The following TRMT1L variants were observed in gnomAD, a reference collection of about 807,000 sequenced individuals.
TRMT1L encodes the protein tRNA (guanine(27)-N(2))-dimethyltransferase.
Under a neutral mutation model 81.6 loss-of-function variants are expected in TRMT1L, and 28 were observed. The observed-to-expected ratio is 0.34, with a 90% confidence interval of 0.25 to 0.47. The LOEUF (loss-of-function observed/expected upper bound fraction) is 0.47. Ranked by LOEUF, TRMT1L falls within the 20% of genes least tolerant of loss-of-function variation. The pLI is 1.00. For synonymous variants in TRMT1L, 301 were observed against 303.2 expected (o/e 0.99, Z 0.07); for missense variants, 739 against 877.1 (o/e 0.84, Z 1.99).
chr1:185,121,359 G>A (rs148828423), intron 13 of TRMT1L, among the ~76,000 whole-genome samples: 41 of 152,170 alleles, frequency 2.7e-4, no homozygotes, highest in Admixed American at 4.6e-4. Flanking sequence ...CCAAGTCCCA[G>A]CTACTTGGGA....
chr1:185,145,588 AT>A lies in TRMT1L; in HGVS notation c.526-21del. Reference sequence around the variant, plus strand: ...GGTTATCTATCAAACAGAGTATTTAATTTAAATAAGTTGCTAAGACAATGAA... The same window carrying A: ...GGTTATCTATCAAACAGAGTATTTAATTAAATAAGTTGCTAAGACAATGAA... On this transcript the variant is annotated intron_variant, in intron 4 of 14. Transcript: ENST00000367506. 1 of 1,606,222 alleles carries A rather than the reference AT, an allele frequency of 6.2e-7. No homozygotes were observed. The highest frequency in any genetic ancestry group is 1.3e-5 in the African/African-American group (1 of 74,844).
intron 2 of TRMT1L, 92 bp downstream of exon 2, chr1:185,151,733 C>T: frequency 1.2e-6 from 1 of 805,962 alleles, no homozygotes; most frequent in Non-Finnish European, 1.9e-6. Context: ...TAAGAATAAA[C>T]AAGTCTACTC....
At position 185,147,224 on chromosome 1, in the gene TRMT1L, G is replaced by A. The variant is rs1234366672; in HGVS notation, c.483C>T (p.His161=). 1 of 1,610,210 alleles carries A rather than the reference G, an allele frequency of 6.2e-7. No individual in the cohort carries two copies. Among genetic ancestry groups the A allele is most frequent in the Admixed American group, 1.7e-5 (1 of 59,860 alleles). The change falls in exon 4 of 15, where the codon CAC becomes CAT. Residue 161 remains histidine (H), a synonymous_variant. Transcript: ENST00000367506. ...TTGGTTTCACTGGTCGACAAGGTAA[G>A]TGACAGATGCACATCCTGTAACCTA... ...EFEGYRMCIC[H]LPCRPVKPNI...
intron 10 of TRMT1L, among the ~76,000 whole-genome samples, chr1:185,135,208 G>A (rs1193906811): frequency 6.6e-6 from 1 of 152,016 alleles, no homozygotes; most frequent in Non-Finnish European, 1.5e-5. Context: ...CTGAGCTCAG[G>A]AGTTCGTGAC....
At chr1:185,131,779 A>G (rs1652777185) in intron 10 of TRMT1L, among the ~76,000 whole-genome samples, 1 of 152,224 alleles carries the variant, frequency 6.6e-6, no homozygotes, top group African/African-American at 2.4e-5. Context: ...GACCCAAAAT[A>G]TAACTAAACA....
At chr1:185,137,258 C>T (rs943701488) in intron 10 of TRMT1L, among the ~76,000 whole-genome samples, 18 of 152,088 alleles carry the variant, frequency 1.2e-4, no homozygotes, top group Non-Finnish European at 4.4e-5. Context: ...TATACACAGC[C>T]AGAAACATGA....
At chr1:185,151,445 C>A (rs1653343769) in intron 2 of TRMT1L, among the ~76,000 whole-genome samples, 1 of 152,128 alleles carries the variant, frequency 6.6e-6, no homozygotes, top group South Asian at 2.1e-4. Context: ...GTGTGGGGCA[C>A]TGATAACGTG....
intron 4 of TRMT1L, 90 bp from the exon 5 acceptor site, chr1:185,145,658 A>T: frequency 1.6e-6 from 2 of 1,264,506 alleles, no homozygotes; most frequent in Non-Finnish European, 1.1e-6. Flanking sequence ...AGTGTCTTGG[A>T]TTTAATGGTA....
rs934359877 is a variant in TRMT1L, at chr1:185,156,868, A to G, written c.-156T>C. On this transcript the variant is annotated 5_prime_UTR_variant, in exon 1 of 15. Transcript: ENST00000367506. ...TGCAACAGACAAAAGATGAAGAACC[A>G]GTGACCAAATCCTGTTAGTAGAAAA... The G allele has an allele frequency of 3.9e-6, 4 of 1,023,516 alleles. No individual in the cohort carries two copies. Among genetic ancestry groups the G allele is most frequent in the African/African-American group, 3.4e-5 (2 of 59,456 alleles). 63.4% of individuals were successfully genotyped at this position (1,023,516 alleles called of 1,614,324 possible). A position where few individuals can be genotyped will look rare whatever the true frequency, so the allele number is the denominator to read the frequency against.
At chr1:185,156,353 CCCCA>C in intron 1 of TRMT1L, 121 bp downstream of exon 1, 1 of 1,604,826 alleles carries the variant, frequency 6.2e-7, no homozygotes, top group South Asian at 1.1e-5. Context: ...CCTCTTTCCT[CCCCA>C]CCATTTTCCT....
intron 1 of TRMT1L, among the ~76,000 whole-genome samples, chr1:185,155,965 C>A (rs769590757): frequency 6.6e-6 from 1 of 152,104 alleles, no homozygotes; most frequent in East Asian, 1.9e-4. Flanking sequence ...AAGCTGCTAG[C>A]GGGGGAAAAG....
At chr1:185,155,313 G>A (rs900167312) in intron 1 of TRMT1L, among the ~76,000 whole-genome samples, 55 of 152,180 alleles carry the variant, frequency 3.6e-4, no homozygotes, top group African/African-American at 1.3e-3. Context: ...TACTTAGGAG[G>A]GTGGAACCCT....
In TRMT1L at chr1:185,139,575, G is replaced by A; in HGVS notation, c.1114C>T (p.Leu372=). ...MHLRSFDFIH[L]DPFGTSVNYL... is the part of the protein sequence containing the mutation. ...TTCACTGATGTTCCAAAAGGGTCTA[G>A]ATGTCTAAAATCAGAAAGAATATAG... Residue 372 remains leucine (L), a synonymous_variant, in exon 9 of 15, where the codon CTA becomes TTA. Transcript: ENST00000367506. 6.2e-7 allele frequency: 1 copy of A among 1,604,392 alleles called. No homozygotes were observed. The highest frequency in any genetic ancestry group is 1.1e-5 in the South Asian group (1 of 90,288).
chr1:185,141,616 A>G (rs994167720), intron 7 of TRMT1L, among the ~76,000 whole-genome samples: 17 of 152,158 alleles, frequency 1.1e-4, no homozygotes, highest in African/African-American at 4.1e-4. Context: ...AGGCAAGAGA[A>G]TTGCTTGAAC....
chr1:185,123,988 A>G, intron 12 of TRMT1L, 69 bp from the exon 13 acceptor site: 1 of 885,946 alleles, frequency 1.1e-6, no homozygotes, highest in South Asian at 1.9e-5. Context: ...CTCAGTTTAA[A>G]TAAAAGTTTA....
At chr1:185,157,443 A>G (rs1303605836), upstream of TRMT1L, 1 of 151,630 alleles carries the variant, frequency 6.6e-6, no homozygotes, top group East Asian at 1.9e-4. Flanking sequence ...GGGCGGGGCG[A>G]CTCTGTGGGC....
At chr1:185,143,019 T>C (rs1352761492) in intron 7 of TRMT1L, among the ~76,000 whole-genome samples, 1 of 152,162 alleles carries the variant, frequency 6.6e-6, no homozygotes, top group Non-Finnish European at 1.5e-5. Flanking sequence ...TTTTTAAAAA[T>C]CTTTACCTTT....
At chr1:185,135,511 A>C (rs1652879076) in intron 10 of TRMT1L, among the ~76,000 whole-genome samples, 1 of 152,066 alleles carries the variant, frequency 6.6e-6, no homozygotes, top group African/African-American at 2.4e-5. Context: ...AGGATAAATA[A>C]ATGAAAGTAT....
chr1:185,154,094 A>G (rs934519838), intron 1 of TRMT1L, among the ~76,000 whole-genome samples: 2 of 152,226 alleles, frequency 1.3e-5, no homozygotes, highest in African/African-American at 2.4e-5. Flanking sequence ...AAAAATTGTT[A>G]GACTTTTTGG....
Sources: gnomAD v4.1 joint callset for allele counts (sites outside exome capture counted in the v4.1 genomes callset) on GRCh38, gnomAD v4.1.1 for gene constraint, MANE v1.5 for transcripts, NCBI Gene and HGNC (gene_info 2026-07-23, HGNC 2026-07-21) for gene names.